The following KCNH7 variants were observed in gnomAD, a reference collection of about 807,000 sequenced individuals.
KCNH7 encodes the protein potassium voltage-gated channel subfamily H member 7, also known as voltage-gated inwardly rectifying potassium channel KCNH7.
In KCNH7, 49 loss-of-function variants were observed where a neutral mutation model predicts 120.8. The observed-to-expected ratio is 0.41, with a 90% CI of 0.32 to 0.51. The LOEUF (loss-of-function observed/expected upper bound fraction) is 0.51, where lower values mean the gene tolerates loss of function less well. Ranked by LOEUF, KCNH7 falls within the 20% of genes least tolerant of loss-of-function variation. The pLI is 0.38. For missense variants in KCNH7, 1,097 were observed against 1,446.6 expected, an observed-to-expected ratio of 0.76 and a Z score of 3.92; for synonymous variants, 547 against 516.1, an observed-to-expected ratio of 1.06 and a Z score of -0.81.
intron 2 of KCNH7, among the ~76,000 whole-genome samples, chr2:162,567,077 A>C (rs1693281190): frequency 6.6e-6 from 1 of 152,042 alleles, no homozygotes; most frequent in African/African-American, 2.4e-5. Context: ...CTGAAAAAGT[A>C]AGAAGATATC....
intron 2 of KCNH7, among the ~76,000 whole-genome samples, chr2:162,544,217 T>C (rs1410224698): frequency 6.6e-6 from 1 of 152,146 alleles, no homozygotes. Context: ...CCGGGTAATG[T>C]ATATGACAGA....
intron 2 of KCNH7, among the ~76,000 whole-genome samples, chr2:162,657,493 A>G (rs984103137): frequency 6.6e-6 from 1 of 152,186 alleles, no homozygotes; most frequent in African/African-American, 2.4e-5. Context: ...CATGGCTGAA[A>G]GCTTTTTATT....
intron 2 of KCNH7, 98 bp from the exon 3 acceptor site, chr2:162,537,178 T>C: frequency 9.5e-6 from 8 of 841,358 alleles, no homozygotes; most frequent in Non-Finnish European, 1.4e-5. Context: ...GAAATTTGTA[T>C]CTTAAATGAT....
chr2:162,808,219 C>A (rs1481346778), intron 2 of KCNH7, among the ~76,000 whole-genome samples: 1 of 152,052 alleles, frequency 6.6e-6, no homozygotes, highest in African/African-American at 2.4e-5. Flanking sequence ...CTGTATTTTT[C>A]AATTTGTATT....
At chr2:162,809,396 A>T (rs1330888568) in intron 2 of KCNH7, among the ~76,000 whole-genome samples, 1 of 152,222 alleles carries the variant, frequency 6.6e-6, no homozygotes. Flanking sequence ...AACTTGCAAC[A>T]CTAATAAATA....
chr2:162,485,088 C>A (rs1176792844), intron 6 of KCNH7, among the ~76,000 whole-genome samples: 1 of 152,106 alleles, frequency 6.6e-6, no homozygotes, highest in African/African-American at 2.4e-5. Context: ...TTTAAGCAAA[C>A]ACACAAATAA....
chr2:162,426,193 G>A (rs930332802), intron 8 of KCNH7, among the ~76,000 whole-genome samples: 4 of 144,542 alleles, frequency 2.8e-5, no homozygotes, highest in Admixed American at 1.4e-4. Context: ...CAGCCTGGGT[G>A]ACAGAGTGAG....
chr2:162,411,078 T>G (rs966667051), intron 9 of KCNH7, among the ~76,000 whole-genome samples: 1 of 152,056 alleles, frequency 6.6e-6, no homozygotes, highest in Non-Finnish European at 1.5e-5. Context: ...ACTATTCCAT[T>G]CAACCCAGCA....
At chr2:162,623,369 G>C (rs1449926383) in intron 2 of KCNH7, among the ~76,000 whole-genome samples, 1 of 152,126 alleles carries the variant, frequency 6.6e-6, no homozygotes, top group African/African-American at 2.4e-5. Flanking sequence ...CTTAGTATTA[G>C]TAATTTCATA....
At chr2:162,476,709 T>C (rs992601959) in intron 6 of KCNH7, among the ~76,000 whole-genome samples, 5 of 152,184 alleles carry the variant, frequency 3.3e-5, no homozygotes, top group African/African-American at 9.7e-5. Context: ...TCCTATACTA[T>C]CTTTAGTAAA....
chr2:162,721,272 A>G (rs139681141), intron 2 of KCNH7, among the ~76,000 whole-genome samples: 1 of 152,316 alleles, frequency 6.6e-6, no homozygotes, highest in Admixed American at 6.5e-5. Context: ...ATAGTTTTAA[A>G]TGATTTTTAA....
intron 6 of KCNH7, among the ~76,000 whole-genome samples, chr2:162,491,367 T>C (rs542345156): frequency 6.6e-6 from 1 of 152,214 alleles, no homozygotes; most frequent in South Asian, 2.1e-4. Context: ...GAGGTTTTTT[T>C]GTTTCCTTTG....
intron 2 of KCNH7, among the ~76,000 whole-genome samples, chr2:162,715,980 A>ATGTGTG (rs1246603546): frequency 2.8e-5 from 4 of 143,214 alleles, no homozygotes; most frequent in African/African-American, 1.1e-4. Flanking sequence ...GTGTGTGTGC[A>ATGTGTG]CACCACACTT....
intron 2 of KCNH7, among the ~76,000 whole-genome samples, chr2:162,614,719 T>G (rs1683081816): frequency 6.7e-6 from 1 of 148,524 alleles, no homozygotes; most frequent in Non-Finnish European, 1.5e-5. Flanking sequence ...TACTACATAT[T>G]ATATATATAT....
intron 2 of KCNH7, among the ~76,000 whole-genome samples, chr2:162,752,927 A>T (rs565448281): frequency 2.5e-5 from 2 of 78,580 alleles, no homozygotes; most frequent in African/African-American, 8.2e-5. Context: ...AGAAAAGAAA[A>T]GAAAAGAAAA....
Position 162,400,468 on chromosome 2 carries a change from A to C in KCNH7, c.2155-27T>G, listed in dbSNP as rs563639308. 4 of 1,608,704 alleles carry C rather than the reference A, an allele frequency of 2.5e-6. No individual in the cohort carries two copies. In the East Asian group the frequency reaches 8.9e-5, roughly 36 times the overall value. ...TGAGGAAAAAAAGAAAGAGTTTCAT[A>C]CTACCAGTGTTCTGGGTATCTCTGC... On this transcript the variant is annotated intron_variant, in intron 9 of 15. Transcript: ENST00000332142.
chr2:162,584,165 G>C (rs1693957015), intron 2 of KCNH7, among the ~76,000 whole-genome samples: 1 of 152,026 alleles, frequency 6.6e-6, no homozygotes, highest in Non-Finnish European at 1.5e-5. Context: ...ATTGCATTTA[G>C]AACTGTGGAT....
rs548002536 is a variant in KCNH7, at chr2:162,460,037, T to C, written c.1129-13594A>G. 7.3e-5 allele frequency among the ~76,000 whole-genome samples: 10 copies of C among 137,112 alleles called. No homozygotes were observed. In the South Asian group the frequency reaches 2.2e-3, roughly 30 times the overall value. 90.0% of individuals were successfully genotyped at this position (137,112 alleles called of 152,430 possible). The stretch of plus-strand genomic sequence containing the variant: ...TGAACCCGGGAGGTGGAGGTTACAG[T>C]GAGCTAAGATGGTGCCACAGCACTC... On this transcript the variant is annotated intron_variant, in intron 6 of 15. Transcript: ENST00000332142.
intron 2 of KCNH7, among the ~76,000 whole-genome samples, chr2:162,654,557 A>G (rs1684678158): frequency 6.6e-6 from 1 of 152,110 alleles, no homozygotes; most frequent in African/African-American, 2.4e-5. Context: ...GGTTATGTAG[A>G]TTGGTACAAC....
Sources: allele counts gnomAD v4.1 joint callset (sites outside exome capture counted in the v4.1 genomes callset), GRCh38; gene constraint gnomAD v4.1.1; transcripts MANE v1.5; gene names NCBI Gene and HGNC (gene_info 2026-07-23, HGNC 2026-07-21).